PCNX1: variants seen among roughly 807,000 people sequenced by gnomAD.
PCNX1 encodes the protein pecanex-like protein 1.
A neutral mutation model predicts 242.2 loss-of-function variants in PCNX1; 78 were observed. The observed-to-expected ratio is 0.32, with a 90% CI of 0.27 to 0.39. The LOEUF (loss-of-function observed/expected upper bound fraction) is 0.39. Among genes scored for constraint, PCNX1 ranks in the 10% least tolerant of loss-of-function variants. PCNX1 has a pLI of 1.00. For synonymous variants in PCNX1, 1,024 were observed against 1,032.9 expected (o/e 0.99, Z 0.17); for missense variants, 2,581 against 2,856.5 (o/e 0.90, Z 2.20).
At chr14:70,935,589 C>T (rs1238080104) in intron 1 of PCNX1, among the ~76,000 whole-genome samples, 1 of 152,184 alleles carries the variant, frequency 6.6e-6, no homozygotes, top group Non-Finnish European at 1.5e-5. Context: ...TTTATCTTTT[C>T]CTATTTGGCA....
chr14:71,090,418 C>G (rs567961880), intron 30 of PCNX1, among the ~76,000 whole-genome samples: 2 of 152,332 alleles, frequency 1.3e-5, no homozygotes, highest in Admixed American at 1.3e-4. Context: ...AGGTGACTTA[C>G]TCTTCAAGTC....
rs965649915 is a variant in PCNX1, at chr14:71,036,091, A to G, written c.3801A>G (p.Val1267=). The G allele has an allele frequency of 1.2e-6, 2 of 1,605,862 alleles. No individual in the cohort carries two copies. Among genetic ancestry groups the G allele is most frequent in the African/African-American group, 1.3e-5 (1 of 74,882 alleles). The change falls in exon 19 of 36, where the codon GTA becomes GTG. Residue 1267 remains valine, a synonymous_variant. Coordinates refer to ENST00000304743, the MANE Select transcript of PCNX1 (RefSeq NM_014982.3). The part of the protein sequence containing the change: ...SVSERLQSDL[V]VCIVIGVLYF... ...GTGAGCGATTACAGTCTGACCTGGT[A>G]GTATGCATTGTAATTGGTGTGCTGT...
chr14:70,936,033 A>G (rs1234490254), intron 1 of PCNX1, among the ~76,000 whole-genome samples: 1 of 152,202 alleles, frequency 6.6e-6, no homozygotes, highest in Non-Finnish European at 1.5e-5. Context: ...GAGAGTGGTT[A>G]TTTTGCTCAG....
In PCNX1 at chr14:70,976,838, T is replaced by C. The variant is rs1156325565; in HGVS notation, c.605-104T>C. 54 of 987,492 alleles carry C rather than the reference T, an allele frequency of 5.5e-5. No homozygotes were observed. The East Asian group carries it at 1.3e-3, about 24-fold the overall frequency. 61.2% of individuals were successfully genotyped at this position (987,492 alleles called of 1,614,324 possible). On this transcript the variant is annotated intron_variant, in intron 5 of 35. Transcript: ENST00000304743. ...CTTTGGAGAACTACTTGAGAAATTA[T>C]TTATACTTGATTTACTGTATGCAGT...
At chr14:71,019,194 A>G in intron 12 of PCNX1, 32 bp downstream of exon 12, 2 of 1,545,120 alleles carry the variant, frequency 1.3e-6, no homozygotes, top group Non-Finnish European at 1.8e-6. Flanking sequence ...ATGCTACGGA[A>G]TTATATTTGT....
intron 2 of PCNX1, among the ~76,000 whole-genome samples, chr14:70,955,568 G>T (rs1323971133): frequency 6.6e-6 from 1 of 151,872 alleles, no homozygotes; most frequent in Non-Finnish European, 1.5e-5. Flanking sequence ...TACCTGGTTT[G>T]TTTTTTTTCT....
chr14:70,994,526 T>C (rs1264915054), intron 7 of PCNX1, among the ~76,000 whole-genome samples: 1 of 150,340 alleles, frequency 6.7e-6, no homozygotes, highest in Non-Finnish European at 1.5e-5. Context: ...TTACATTGAA[T>C]TCAAAGGATT....
intron 26 of PCNX1, among the ~76,000 whole-genome samples, chr14:71,063,219 T>A (rs904283162): frequency 2.0e-5 from 3 of 152,206 alleles, no homozygotes; most frequent in African/African-American, 7.2e-5. Context: ...TATTTTAGGG[T>A]TTGAGAGCCA....
intron 20 of PCNX1, 165 bp from the exon 21 acceptor site, chr14:71,046,799 G>GT (rs1408043514): frequency 1.2e-5 from 2 of 166,704 alleles, no homozygotes; most frequent in Non-Finnish European, 2.5e-5. Flanking sequence ...AAATTTGTAA[G>GT]TATCTCAGAG....
intron 21 of PCNX1, 123 bp downstream of exon 21, chr14:71,047,228 T>G: frequency 1.8e-6 from 1 of 546,046 alleles, no homozygotes; most frequent in Non-Finnish European, 2.9e-6. Flanking sequence ...GATTAAAAAT[T>G]TAGGTGACAT....
At chr14:71,035,419 A>G (rs2060501285) in intron 18 of PCNX1, among the ~76,000 whole-genome samples, 2 of 152,232 alleles carry the variant, frequency 1.3e-5, no homozygotes, top group Admixed American at 1.3e-4. Flanking sequence ...GAGGAAATTG[A>G]GGAAGAAAAT....
chr14:71,021,105 G>A (rs1363867984), intron 12 of PCNX1, among the ~76,000 whole-genome samples: 1 of 152,130 alleles, frequency 6.6e-6, no homozygotes, highest in Non-Finnish European at 1.5e-5. Context: ...CCTCTGTTCT[G>A]TTCCATTGGT....
intron 22 of PCNX1, among the ~76,000 whole-genome samples, chr14:71,048,384 T>C (rs1054292581): frequency 2.0e-5 from 3 of 152,138 alleles, no homozygotes; most frequent in African/African-American, 7.2e-5. Context: ...AGTCAGAAAT[T>C]AGCTTGATGT....
Position 71,105,084 on chromosome 14 carries a change from G to GT in PCNX1, c.6096-144dup, listed in dbSNP as rs1294837904. ...AAGCCACTCTTTGAAAACGTAATGA[G>GT]TTTTTTTGTTCCTAATATTGATTGC... On this transcript the variant is annotated intron_variant, in intron 32 of 35. Transcript: ENST00000304743. The GT allele has an allele frequency of 1.3e-5, 8 of 632,168 alleles. No homozygotes were observed. In the African/African-American group the frequency reaches 1.5e-4, roughly 12 times the overall value. 39.2% of individuals were successfully genotyped at this position (632,168 alleles called of 1,614,324 possible).
In PCNX1 at chr14:70,995,915, C is replaced by G. The variant is rs761536219; in HGVS notation, c.2619C>G (p.His873Gln). ...CTGCTGTAGGCGGTAGCAGTTTGCA[C>G]GATGAACTTGGTATGCAGGCCTTAT... The part of the protein sequence containing the change: ...NASAVGGSSL[H>Q]DELGKFSSTL... The change falls in exon 8 of 36, where the codon CAC becomes CAG. Residue 873 changes from histidine to glutamine, a missense_variant. Transcript: ENST00000304743. The G allele has an allele frequency of 1.2e-6, 2 of 1,612,972 alleles. No homozygotes were observed. The highest frequency in any genetic ancestry group is 1.7e-6 in the Non-Finnish European group (2 of 1,179,106).
intron 6 of PCNX1, among the ~76,000 whole-genome samples, chr14:70,982,629 C>T (rs2058871174): frequency 6.6e-6 from 1 of 152,076 alleles, no homozygotes; most frequent in Non-Finnish European, 1.5e-5. Context: ...TTAAATACAG[C>T]AAAATAGGTT....
At position 70,977,012 on chromosome 14, in the gene PCNX1, A is replaced by C. The variant is rs987339460; in HGVS notation, c.675A>C (p.Leu225Phe). 6.2e-7 allele frequency: 1 copy of C among 1,614,088 alleles called. No individual in the cohort carries two copies. Among genetic ancestry groups the C allele is most frequent in the Admixed American group, 1.7e-5 (1 of 60,024 alleles). ...NDSFISIQPSLSSCGQDLPRD... is the reference protein window; with the variant it reads ...NDSFISIQPSFSSCGQDLPRD... ...CCTTCATCTCTATTCAGCCTTCCTT[A>C]TCCTCTTGTGGACAGGACTTGCCAA... Residue 225 changes from leucine (L) to phenylalanine (F), a missense_variant, in exon 6 of 36, where the codon TTA becomes TTC. Leu to Phe is a conservative substitution (Grantham distance 22). This residue lies in a region of PCNX1 where 1,204 missense variants were observed against 1,216.7 expected (regional missense o/e 0.99). Coordinates refer to ENST00000304743, the MANE Select transcript of PCNX1 (RefSeq NM_014982.3).
intron 1 of PCNX1, among the ~76,000 whole-genome samples, chr14:70,937,024 T>C (rs540040827): frequency 7.2e-6 from 1 of 139,220 alleles, no homozygotes; most frequent in East Asian, 2.0e-4. Flanking sequence ...TTGTAGATTC[T>C]GGATATTAGC....
At chr14:71,012,694 A>C (rs1433653276) in intron 10 of PCNX1, 2 of 339,804 alleles carry the variant, frequency 5.9e-6, no homozygotes, top group Non-Finnish European at 1.1e-5. Flanking sequence ...TTAGCCGGGC[A>C]TGGTGGCAGG....
Sources: allele counts gnomAD v4.1 joint callset (sites outside exome capture counted in the v4.1 genomes callset), GRCh38; gene constraint gnomAD v4.1.1; regional missense constraint gnomAD v4.1.1; transcripts MANE v1.5; gene names NCBI Gene and HGNC (gene_info 2026-07-23, HGNC 2026-07-21).